CDH18: variants seen among roughly 807,000 people sequenced by gnomAD.
The protein encoded by CDH18 is cadherin-18.
CDH18 carries 31 observed loss-of-function variants against 67.9 expected under a neutral mutation model. The ratio of observed to expected loss-of-function variants is 0.46; its 90% CI spans 0.34 to 0.62. The LOEUF is 0.62. CDH18 is among the 20% of genes least tolerant of loss of function. The pLI, the probability that CDH18 is intolerant of heterozygous loss-of-function variation, is 0.01. For synonymous variants in CDH18, 362 were observed against 347.2 expected, an observed-to-expected ratio of 1.04 and a Z score of -0.48; for missense variants, 890 against 975.5, an observed-to-expected ratio of 0.91 and a Z score of 1.17.
At chr5:20,245,930 A>C (rs1052866413) in intron 2 of CDH18, among the ~76,000 whole-genome samples, 1 of 152,156 alleles carries the variant, frequency 6.6e-6, no homozygotes, top group African/African-American at 2.4e-5. Context: ...TTAAGCAGAA[A>C]GGGACAGTGT....
intron 2 of CDH18, among the ~76,000 whole-genome samples, chr5:19,932,268 A>G (rs188698735): frequency 6.6e-6 from 1 of 151,896 alleles, no homozygotes; most frequent in Non-Finnish European, 1.5e-5. Flanking sequence ...ATGTATCAAC[A>G]TGGGAAAGGA....
At chr5:20,564,260 TTTTATTTATTTA>T (rs3039398) in intron 1 of CDH18, among the ~76,000 whole-genome samples, 6 of 141,596 alleles carry the variant, frequency 4.2e-5, no homozygotes, top group Non-Finnish European at 7.6e-5. Context: ...ATTATCACAG[TTTTATTTATTTA>T]TTTATTTATT....
At chr5:19,969,229 C>T (rs1225906477) in intron 2 of CDH18, among the ~76,000 whole-genome samples, 1 of 146,068 alleles carries the variant, frequency 6.8e-6, no homozygotes, top group African/African-American at 2.7e-5. Flanking sequence ...AATAGGAACA[C>T]TTTTACACTG....
intron 2 of CDH18, among the ~76,000 whole-genome samples, chr5:20,162,922 G>A (rs1300486944): frequency 6.6e-6 from 1 of 151,980 alleles, no homozygotes; most frequent in Non-Finnish European, 1.5e-5. Flanking sequence ...AGCTGGGCAT[G>A]GTGGTGCATG....
chr5:19,476,226 T>A (rs961704897), intron 12 of CDH18, among the ~76,000 whole-genome samples: 2 of 151,920 alleles, frequency 1.3e-5, no homozygotes, highest in African/African-American at 4.8e-5. Context: ...GATATTAGCA[T>A]TGGGAAGGTA....
intron 1 of CDH18, among the ~76,000 whole-genome samples, chr5:20,406,034 A>G (rs186427707): frequency 0.048 from 7,345 of 152,256 alleles, 252 homozygotes; most frequent in African/African-American, 0.1. Context: ...GCGATTCCTC[A>G]GGGATCTAGA....
At chr5:20,391,642 C>T (rs1390908950) in intron 1 of CDH18, among the ~76,000 whole-genome samples, 1 of 151,994 alleles carries the variant, frequency 6.6e-6, no homozygotes, top group Admixed American at 6.6e-5. Context: ...CTTTACATTA[C>T]TTAAAATTTC....
intron 1 of CDH18, among the ~76,000 whole-genome samples, chr5:20,290,461 G>A (rs1421363156): frequency 2.6e-5 from 4 of 152,102 alleles, no homozygotes; most frequent in Non-Finnish European, 5.9e-5. Context: ...TGTAGTCTTG[G>A]ACCTAGGCTA....
In CDH18 at chr5:19,872,397, AT is replaced by A. The variant is rs1429259149; in HGVS notation, c.-256-33156del. On this transcript the variant is annotated intron_variant, in intron 2 of 12. Transcript: ENST00000382275. ...ATAGTAAATGTTTAAAATTTTACAAATTTAATTGAGGTTTTGAATCAGTTGA... is the reference window on the plus strand; with the variant it reads ...ATAGTAAATGTTTAAAATTTTACAAATTAATTGAGGTTTTGAATCAGTTGA... 8.5e-5 allele frequency among the ~76,000 whole-genome samples: 13 copies of A among 152,316 alleles called. No individual in the cohort carries two copies. In the East Asian group the frequency reaches 2.5e-3, roughly 29 times the overall value.
Position 20,285,074 on chromosome 5 carries a change from A to G in CDH18, c.-579-29569T>C, listed in dbSNP as rs187421494. ...CGTTATATCATACCCATCCCCTCTC[A>G]TAAATAAAGAGTATATTGGGGGCTT... On this transcript the variant is annotated intron_variant, in intron 1 of 14. Coordinates refer to the CDH18 transcript ENST00000507958. Among the ~76,000 whole-genome samples, 3 of 151,854 alleles carry G rather than the reference A, an allele frequency of 2.0e-5. No individual in the cohort carries two copies. The East Asian group carries it at 5.8e-4, about 29-fold the overall frequency.
intron 1 of CDH18, among the ~76,000 whole-genome samples, chr5:20,538,879 T>C (rs1259670850): frequency 1.4e-5 from 2 of 147,326 alleles, no homozygotes; most frequent in African/African-American, 2.5e-5. Context: ...ACACTGGATA[T>C]ACATCCACAT....
At chr5:19,570,042 C>T (rs1741116636) in intron 8 of CDH18, among the ~76,000 whole-genome samples, 1 of 152,072 alleles carries the variant, frequency 6.6e-6, no homozygotes. Flanking sequence ...TGACCTATCT[C>T]TATTCCCAAA....
intron 2 of CDH18, among the ~76,000 whole-genome samples, chr5:20,122,736 G>GT (rs1324322467): frequency 2.0e-5 from 3 of 150,480 alleles, no homozygotes; most frequent in African/African-American, 4.9e-5. Flanking sequence ...AAGTACGAAT[G>GT]TTTGACTATT....
At chr5:19,995,451 A>C (rs1735929113) in intron 2 of CDH18, among the ~76,000 whole-genome samples, 1 of 152,096 alleles carries the variant, frequency 6.6e-6, no homozygotes, top group Non-Finnish European at 1.5e-5. Flanking sequence ...ACATAACTCA[A>C]GACTGGCATT....
At chr5:20,551,888 C>T (rs1438803381) in intron 1 of CDH18, among the ~76,000 whole-genome samples, 1 of 152,014 alleles carries the variant, frequency 6.6e-6, no homozygotes, top group Non-Finnish European at 1.5e-5. Flanking sequence ...CTTAGTTAAT[C>T]TATATCTCTT....
chr5:19,520,832 G>C lies in CDH18; in HGVS notation c.1391-54C>G, dbSNP rs1328588674. ...ATTTCCATGCACACTTTAGAGGCTC[G>C]GTTTAAAACAAATCTCTTTAATACT... is the stretch of plus-strand genomic sequence containing the variant. On this transcript the variant is annotated intron_variant, in intron 9 of 12. Transcript: ENST00000382275. 2.5e-6 allele frequency: 4 copies of C among 1,581,180 alleles called. No homozygotes were observed. In the South Asian group the frequency reaches 4.6e-5, roughly 18 times the overall value.
rs368266065 is a variant in CDH18 at position 19,574,833 on chromosome 5, G to A, written c.1000-3001C>T. ...CGAGGTGGGCGGATCACGAGGTCAG[G>A]AGGTCGACCATCGTGGCTAACACGG... On this transcript the variant is annotated intron_variant, in intron 7 of 12. Transcript: ENST00000382275. Among the ~76,000 whole-genome samples the A allele has an allele frequency of 2.6e-5, 4 of 152,050 alleles. No homozygotes were observed. The East Asian group carries it at 5.8e-4, about 22-fold the overall frequency.
At chr5:20,095,439 G>T (rs1006764886) in intron 2 of CDH18, among the ~76,000 whole-genome samples, 8 of 117,650 alleles carry the variant, frequency 6.8e-5, no homozygotes, top group African/African-American at 2.2e-4. Context: ...AAGAAAGAAA[G>T]AAAGAAAAGA....
chr5:19,651,789 AT>A (rs897058683), intron 5 of CDH18, among the ~76,000 whole-genome samples: 2 of 152,200 alleles, frequency 1.3e-5, no homozygotes, highest in Admixed American at 1.3e-4. Context: ...CTAAATAATC[AT>A]TTTTTGAAAA....
Sources: allele counts gnomAD v4.1 joint callset (sites outside exome capture counted in the v4.1 genomes callset), GRCh38; gene constraint gnomAD v4.1.1; transcripts MANE v1.5; gene names NCBI Gene and HGNC (gene_info 2026-07-23, HGNC 2026-07-21).